The following HMCN2 variants were observed in gnomAD, a reference collection of about 807,000 sequenced individuals.
HMCN2 encodes hemicentin 2.
Under a neutral mutation model 377.5 loss-of-function variants are expected in HMCN2, and 325 were observed. That is an observed-to-expected ratio of 0.86 (90% confidence interval 0.79 to 0.94). HMCN2 has a LOEUF of 0.94. Ranked by LOEUF, HMCN2 falls within the 40% of genes least tolerant of loss-of-function variation. HMCN2 has a pLI of 0.00. For missense variants in HMCN2, 4,543 were observed against 4,725.3 expected, an observed-to-expected ratio of 0.96 and a Z score of 1.13; for synonymous variants, 2,007 against 2,046.8, an observed-to-expected ratio of 0.98 and a Z score of 0.53.
In HMCN2 at chr9:130,423,147, G is replaced by A. The variant is rs552119102; in HGVS notation, c.13381+421G>A. Reference sequence around the variant, plus strand: ...GCAGGCTGGAGGTGACGGGAAGCGGGAAACATGGAGAATTGAATTGCCTAG... The same window carrying A: ...GCAGGCTGGAGGTGACGGGAAGCGGAAAACATGGAGAATTGAATTGCCTAG... On this transcript the variant is annotated intron_variant, in intron 87 of 97. Coordinates refer to ENST00000683500, the MANE Select transcript of HMCN2 (RefSeq NM_001291815.2). The surrounding 1 kb of genome is among the most constrained non-coding windows in gnomAD (Gnocchi z 5.5). Among the ~76,000 whole-genome samples the A allele has an allele frequency of 6.6e-6, 1 of 152,234 alleles. No homozygotes were observed. Among genetic ancestry groups the A allele is most frequent in the East Asian group, 1.9e-4 (1 of 5,178 alleles).
intron 4 of HMCN2, among the ~76,000 whole-genome samples, chr9:130,289,671 C>G (rs536306888): frequency 2.0e-4 from 30 of 152,280 alleles, no homozygotes; most frequent in East Asian, 1.2e-3. Context: ...ATCCCACCCC[C>G]CCGTGCTTCA....
At chr9:130,429,489 G>T in intron 93 of HMCN2, 68 bp from the exon 94 acceptor site, 1 of 1,538,102 alleles carries the variant, frequency 6.5e-7, no homozygotes, top group South Asian at 1.2e-5. Context: ...GGAGGGGGAT[G>T]GTCCGTCCCT....
chr9:130,333,025 G>C (rs977412055), intron 22 of HMCN2, among the ~76,000 whole-genome samples: 15 of 152,202 alleles, frequency 9.9e-5, no homozygotes, highest in African/African-American at 3.1e-4. Context: ...TGGAAGGTCT[G>C]GGGGGAGGGA....
intron 1 of HMCN2, among the ~76,000 whole-genome samples, chr9:130,273,782 G>A (rs1431260699): frequency 2.0e-5 from 3 of 152,222 alleles, no homozygotes; most frequent in Non-Finnish European, 2.9e-5. Context: ...ACAGGCGTGC[G>A]CCTCCGCGCC....
chr9:130,290,107 C>T (rs1835673325), intron 4 of HMCN2, among the ~76,000 whole-genome samples: 1 of 152,212 alleles, frequency 6.6e-6, no homozygotes, highest in African/African-American at 2.4e-5. Flanking sequence ...TCGCTGGTCC[C>T]CCAGCCCCTC....
At position 130,432,423 on chromosome 9, in the gene HMCN2, A is replaced by T. The variant is rs1844813536; in HGVS notation, c.14768-6A>T. 2.6e-6 allele frequency: 4 copies of T among 1,550,602 alleles called. No homozygotes were observed. The highest frequency in any genetic ancestry group is 3.5e-6 in the Non-Finnish European group (4 of 1,146,954). On this transcript the variant is annotated splice_polypyrimidine_tract_variant and splice_region_variant and intron_variant, in intron 96 of 97. Coordinates refer to ENST00000683500, the MANE Select transcript of HMCN2 (RefSeq NM_001291815.2). The stretch of plus-strand genomic sequence containing the variant: ...CCTCCCCCGCTTCACCAACTTCCCC[A>T]TCCAGACATCAACGAGTGCGAGGAG...
chr9:130,296,652 G>A (rs1554932224), intron 6 of HMCN2, 22 bp from the exon 7 acceptor site: 1 of 470,416 alleles, frequency 2.1e-6, no homozygotes, highest in Non-Finnish European at 4.4e-6. Flanking sequence ...CTCTGGTGAT[G>A]TGAGACCTGG....
Position 130,347,999 on chromosome 9 carries a change from G to A in HMCN2, c.4025-546G>A, listed in dbSNP as rs1839477892. ...GAGCGCCCACCCCCACATCCAGGGT[G>A]CTATGTGCAGAGGAAAGGAACCCCT... On this transcript the variant is annotated intron_variant, in intron 26 of 97. Coordinates refer to ENST00000683500, the MANE Select transcript of HMCN2 (RefSeq NM_001291815.2). This position sits in a 1 kb window ranked among gnomAD's most constrained non-coding sequence, Gnocchi z 5.1. The A allele has an allele frequency of 1.0e-6, 1 of 985,280 alleles. No homozygotes were observed. Among genetic ancestry groups the A allele is most frequent in the Admixed American group, 6.1e-5 (1 of 16,262 alleles). The allele number at this position is 985,280 out of a possible 1,614,324, so 61.0% of individuals were successfully genotyped here. A position where few individuals can be genotyped will look rare whatever the true frequency, so the allele number is the denominator to read the frequency against.
rs1842669603 is a variant in HMCN2, at chr9:130,397,627, T to C, written c.11298T>C (p.Asp3766=). ...TGGCATCCAACTCTGCTGGCTCCGA[T>C]CGTCAAGGCCGTGACCTACGGGTCT... ...LCLASNSAGS[D]RQGRDLRVLE... is the part of the protein sequence containing the mutation. The change falls in exon 74 of 98, where the codon GAT becomes GAC. Residue 3766 remains aspartate (D), a synonymous_variant. Coordinates refer to ENST00000683500, the MANE Select transcript of HMCN2 (RefSeq NM_001291815.2). 3 of 1,289,684 alleles carry C rather than the reference T, an allele frequency of 2.3e-6. No homozygotes were observed. The highest frequency in any genetic ancestry group is 3.0e-6 in the Non-Finnish European group (3 of 988,892). 79.9% of individuals were successfully genotyped at this position (1,289,684 alleles called of 1,614,324 possible).
In HMCN2 at chr9:130,404,948, G is replaced by C. The variant is rs115395375; in HGVS notation, c.12228G>C (p.Arg4076Ser). 1.7e-3 allele frequency: 2,238 copies of C among 1,289,268 alleles called. 31 individuals are homozygous for C. The African/African-American group carries it at 0.031, about 18-fold the overall frequency. 79.9% of individuals were successfully genotyped at this position (1,289,268 alleles called of 1,614,324 possible). Residue 4076 changes from arginine to serine, a missense_variant, in exon 81 of 98, where the codon AGG becomes AGC. Arg to Ser is a moderately radical substitution (Grantham distance 110). Around this residue, in one of 5 missense-constraint regions of HMCN2, gnomAD observed 1,073 missense variants for 1,319.5 expected, o/e 0.81. Transcript: ENST00000683500. ...ACGCCTTCTTGCCTTGCAAGGCGAGGGGCAGTCCTGAGCCCAACATCACCT... is the reference window on the plus strand; with the variant it reads ...ACGCCTTCTTGCCTTGCAAGGCGAGCGGCAGTCCTGAGCCCAACATCACCT... ...GSHAFLPCKARGSPEPNITWD... is the reference protein window; with the variant it reads ...GSHAFLPCKASGSPEPNITWD...
chr9:130,389,955 C>T lies in HMCN2; in HGVS notation c.9524-1022C>T, dbSNP rs1004893797. Among the ~76,000 whole-genome samples, 8 of 152,188 alleles carry T rather than the reference C, an allele frequency of 5.3e-5. No homozygotes were observed. The South Asian group carries it at 6.2e-4, about 12-fold the overall frequency. On this transcript the variant is annotated intron_variant, in intron 62 of 97. Transcript: ENST00000683500. ...AATATTCCATTGTGTGGCTGTGTCG[C>T]GTGTTGTGCATCCACTGGTCAGTTG... is the stretch of plus-strand genomic sequence containing the variant.
chr9:130,332,310 T>C (rs1813835017), intron 22 of HMCN2, among the ~76,000 whole-genome samples: 1 of 152,202 alleles, frequency 6.6e-6, no homozygotes, highest in African/African-American at 2.4e-5. Context: ...AGGAGCATGG[T>C]CGCACAGTGT....
rs1840879108 is a variant in HMCN2, at chr9:130,369,211, A to G, written c.6788-359A>G. 6.6e-6 allele frequency among the ~76,000 whole-genome samples: 1 copy of G among 152,252 alleles called. No homozygotes were observed. Among genetic ancestry groups the G allele is most frequent in the African/African-American group, 2.4e-5 (1 of 41,476 alleles). The stretch of plus-strand genomic sequence containing the variant: ...ATCCTGCTAGAAAATAAAACCAGGA[A>G]CAGTGCTGTTCAACATCTTGAGGAG... On this transcript the variant is annotated intron_variant, in intron 44 of 97. Coordinates refer to ENST00000683500, the MANE Select transcript of HMCN2 (RefSeq NM_001291815.2). This position sits in a 1 kb window ranked among gnomAD's most constrained non-coding sequence, Gnocchi z 4.5.
intron 83 of HMCN2, among the ~76,000 whole-genome samples, chr9:130,408,093 A>G (rs939931053): frequency 3.3e-5 from 5 of 152,226 alleles, no homozygotes; most frequent in Non-Finnish European, 7.3e-5. Flanking sequence ...GTTGTCCCCT[A>G]TGACCTACTC....
At chr9:130,405,892 G>T in intron 81 of HMCN2, 63 bp from the exon 82 acceptor site, 1 of 1,178,050 alleles carries the variant, frequency 8.5e-7, no homozygotes, top group Middle Eastern at 3.1e-4. Context: ...TCAAGGGTCA[G>T]GGGCATCCTG....
rs907969922 is a variant in HMCN2 at position 130,354,819 on chromosome 9, G to C, written c.4921G>C (p.Gly1641Arg). The stretch of plus-strand genomic sequence containing the variant: ...ACCATACGTGGTGAAGGCTGTGGCT[G>C]GGAGGCCTGTGGCGCTGGAGTGCGT... ...GRPYVVKAVAGRPVALECVAR... is the reference protein window; with the variant it reads ...GRPYVVKAVARRPVALECVAR... Residue 1641 changes from glycine (G) to arginine (R), a missense_variant, in exon 32 of 98, where the codon GGG becomes CGG. By Grantham distance (125) the Gly-to-Arg change is moderately radical. Coordinates refer to ENST00000683500, the MANE Select transcript of HMCN2 (RefSeq NM_001291815.2). The C allele has an allele frequency of 9.2e-6, 12 of 1,304,202 alleles. No homozygotes were observed. The highest frequency in any genetic ancestry group is 1.1e-5 in the Non-Finnish European group (11 of 988,912). The allele number at this position is 1,304,202 out of a possible 1,614,324, so 80.8% of individuals were successfully genotyped here. A position where few individuals can be genotyped will look rare whatever the true frequency, so the allele number is the denominator to read the frequency against.
chr9:130,391,620 A>G (rs904947925), intron 65 of HMCN2, 46 bp downstream of exon 65: 1 of 985,750 alleles, frequency 1.0e-6, no homozygotes, highest in African/African-American at 1.7e-5. Flanking sequence ...GGGCCTGGGC[A>G]CGGGAGATAA....
intron 15 of HMCN2, among the ~76,000 whole-genome samples, chr9:130,315,614 G>A (rs890832941): frequency 4.6e-5 from 7 of 151,072 alleles, no homozygotes; most frequent in Admixed American, 2.0e-4. Flanking sequence ...TGCCATCCTC[G>A]GGAGCCAGGG....
intron 49 of HMCN2, among the ~76,000 whole-genome samples, chr9:130,375,117 CTG>C (rs2131611922): frequency 6.6e-6 from 1 of 152,308 alleles, no homozygotes; most frequent in East Asian, 1.9e-4. Context: ...TTAGAAAAAT[CTG>C]TTTCTAAAAT....
Sources: allele counts gnomAD v4.1 joint callset (sites outside exome capture counted in the v4.1 genomes callset), GRCh38; gene constraint gnomAD v4.1.1; regional missense constraint gnomAD v4.1.1; non-coding constraint Gnocchi (gnomAD v3.1); transcripts MANE v1.5; gene names NCBI Gene and HGNC (gene_info 2026-07-23, HGNC 2026-07-21).